IL23R: variants seen among roughly 807,000 people sequenced by gnomAD.
IL23R encodes the protein interleukin-23 receptor.
IL23R carries 34 observed loss-of-function variants against 56.9 expected under a neutral mutation model. The observed-to-expected ratio is 0.60, with a 90% CI of 0.45 to 0.80. The LOEUF (loss-of-function observed/expected upper bound fraction) is 0.80, where lower values mean the gene tolerates loss of function less well. IL23R is among the 30% of genes least tolerant of loss of function. IL23R has a pLI of 0.00. For synonymous variants in IL23R, 230 were observed against 249.2 expected, an observed-to-expected ratio of 0.92 and a Z score of 0.73; for missense variants, 635 against 730.0, an observed-to-expected ratio of 0.87 and a Z score of 1.50.
chr1:67,163,541 T>G (rs1454299167), upstream of IL23R, among the ~76,000 whole-genome samples: 2 of 145,732 alleles, frequency 1.4e-5, no homozygotes, highest in African/African-American at 2.5e-5. Context: ...TAATCCCCAG[T>G]GCTGGAGGTT....
At chr1:67,234,112 CT>C (rs1326981493) in intron 7 of IL23R, among the ~76,000 whole-genome samples, 1 of 151,952 alleles carries the variant, frequency 6.6e-6, no homozygotes, top group African/African-American at 2.4e-5. Flanking sequence ...GAAAATTTTT[CT>C]GTACTTTAAT....
chr1:67,158,502 C>A (rs906389653), intron 1 of IL23R, among the ~76,000 whole-genome samples: 4 of 152,046 alleles, frequency 2.6e-5, no homozygotes, highest in Non-Finnish European at 1.5e-5. Context: ...AATTAAGGGG[C>A]AGATTATGCA....
intron 7 of IL23R, among the ~76,000 whole-genome samples, chr1:67,221,095 T>G (rs1339902955): frequency 6.6e-6 from 1 of 151,866 alleles, no homozygotes; most frequent in East Asian, 1.9e-4. Context: ...CGGAGGCAGT[T>G]GGATCACTTG....
At chr1:67,215,130 T>C (rs1649748224) in intron 6 of IL23R, among the ~76,000 whole-genome samples, 1 of 152,208 alleles carries the variant, frequency 6.6e-6, no homozygotes, top group African/African-American at 2.4e-5. Context: ...GCTCGGATTT[T>C]AAGGCGGTAG....
intron 6 of IL23R, among the ~76,000 whole-genome samples, chr1:67,217,692 A>G (rs924354900): frequency 6.7e-6 from 1 of 150,352 alleles, no homozygotes; most frequent in Non-Finnish European, 1.5e-5. Context: ...AAACTCTGAA[A>G]GATATCTTTC....
At chr1:67,205,928 T>TTCTTTCTTTTA in intron 5 of IL23R, among the ~76,000 whole-genome samples, 1 of 151,088 alleles carries the variant, frequency 6.6e-6, no homozygotes, top group African/African-American at 2.4e-5. Flanking sequence ...TCTTTCTTTT[T>TTCTTTCTTTTA]CTTTCTTTCT....
chr1:67,226,641 A>G (rs1650639536), intron 7 of IL23R, among the ~76,000 whole-genome samples: 1 of 152,192 alleles, frequency 6.6e-6, no homozygotes, highest in Non-Finnish European at 1.5e-5. Flanking sequence ...CCAAAAGGCA[A>G]CTTTTGAGCA....
At chr1:67,250,291 C>G (rs1652527267) in intron 9 of IL23R, among the ~76,000 whole-genome samples, 1 of 152,182 alleles carries the variant, frequency 6.6e-6, no homozygotes, top group Non-Finnish European at 1.5e-5. Flanking sequence ...CTATGACATG[C>G]TTAGACTTTC....
intron 3 of IL23R, among the ~76,000 whole-genome samples, chr1:67,180,148 G>A (rs878883395): frequency 6.6e-6 from 1 of 152,124 alleles, no homozygotes; most frequent in Non-Finnish European, 1.5e-5. Context: ...TTGGTGCAGA[G>A]CTGAGTTCAA....
chr1:67,182,649 C>A (rs902675167), intron 3 of IL23R, among the ~76,000 whole-genome samples, 187 bp from the exon 4 acceptor site: 2 of 152,156 alleles, frequency 1.3e-5, no homozygotes, highest in Non-Finnish European at 2.9e-5. Context: ...TGTCCCGCAC[C>A]CACTGTCTGA....
At chr1:67,174,628 A>G (rs925360719) in intron 3 of IL23R, among the ~76,000 whole-genome samples, 4 of 152,030 alleles carry the variant, frequency 2.6e-5, no homozygotes, top group African/African-American at 9.7e-5. Context: ...AGAGAGCCAC[A>G]CCTGAAAAGT....
At chr1:67,212,557 T>TC (rs35747521) in intron 6 of IL23R, among the ~76,000 whole-genome samples, 1 of 151,200 alleles carries the variant, frequency 6.6e-6, no homozygotes, top group Non-Finnish European at 1.5e-5. Flanking sequence ...TTTTTTTTTT[T>TC]CCTTTTGAGA....
chr1:67,228,110 C>CCT lies in IL23R; in HGVS notation c.955+8380_955+8381insCT, dbSNP rs1558254365. Among the ~76,000 whole-genome samples, 100 of 40,812 alleles carry CCT rather than the reference C, an allele frequency of 2.5e-3. 1 individual carries two copies. Among genetic ancestry groups the CCT allele is most frequent in the African/African-American group, 3.4e-3 (33 of 9,636 alleles). 26.8% of individuals were successfully genotyped at this position (40,812 alleles called of 152,430 possible). On this transcript the variant is annotated intron_variant, in intron 7 of 10. Transcript: ENST00000347310. ...TCTTTCTTTCTTTCTTTCTTTCTCT[C>CCT]TCTTTCTTTCTTTCTTTCCTTCTTT...
At chr1:67,244,120 G>A (rs954293092) in intron 9 of IL23R, among the ~76,000 whole-genome samples, 1 of 152,144 alleles carries the variant, frequency 6.6e-6, no homozygotes, top group African/African-American at 2.4e-5. Context: ...TTTGAGAAGT[G>A]TCTGTTCATA....
At chr1:67,154,214 T>C (rs187190968) in intron 1 of IL23R, among the ~76,000 whole-genome samples, 1 of 152,360 alleles carries the variant, frequency 6.6e-6, no homozygotes, top group Non-Finnish European at 1.5e-5. Context: ...CATGTGGCAC[T>C]GAGAAGAATG....
intron 7 of IL23R, among the ~76,000 whole-genome samples, chr1:67,224,833 A>G (rs1380582153): frequency 6.6e-6 from 1 of 152,234 alleles, no homozygotes; most frequent in Non-Finnish European, 1.5e-5. Flanking sequence ...AATAAATAAT[A>G]ATAGCTAACA....
intron 10 of IL23R, among the ~76,000 whole-genome samples, 162 bp downstream of exon 10, chr1:67,256,089 C>T (rs998242123): frequency 2.2e-4 from 34 of 152,124 alleles, no homozygotes; most frequent in African/African-American, 6.5e-4. Flanking sequence ...TCAAATCATA[C>T]TTAAAAGAGA....
intron 1 of IL23R, among the ~76,000 whole-genome samples, chr1:67,152,983 T>TC (rs1482144106): frequency 2.6e-5 from 4 of 152,176 alleles, no homozygotes; most frequent in Admixed American, 6.5e-5. Flanking sequence ...GCAGAGGAGT[T>TC]CCTCCTTTTC....
intron 6 of IL23R, among the ~76,000 whole-genome samples, chr1:67,219,129 G>T: frequency 6.6e-6 from 1 of 152,070 alleles, no homozygotes. Flanking sequence ...CACTTTGGGA[G>T]GCCAAGGTGG....
Sources: gnomAD v4.1 joint callset for allele counts (sites outside exome capture counted in the v4.1 genomes callset) on GRCh38, gnomAD v4.1.1 for gene constraint, MANE v1.5 for transcripts, NCBI Gene and HGNC (gene_info 2026-07-23, HGNC 2026-07-21) for gene names.